The following MYOCD variants were observed in gnomAD, a reference collection of about 807,000 sequenced individuals.
MYOCD encodes the protein myocardin.
MYOCD carries 32 observed loss-of-function variants against 96.1 expected under a neutral mutation model. The ratio of observed to expected loss-of-function variants is 0.33; its 90% CI spans 0.25 to 0.45. The LOEUF (loss-of-function observed/expected upper bound fraction) is 0.45, where lower values mean the gene tolerates loss of function less well. Among genes scored for constraint, MYOCD ranks in the 20% least tolerant of loss-of-function variants. The pLI is 1.00. For missense variants in MYOCD, 1,133 were observed against 1,200.6 expected, an observed-to-expected ratio of 0.94 and a Z score of 0.83; for synonymous variants, 469 against 469.0, an observed-to-expected ratio of 1.00 and a Z score of 0.00.
At chr17:12,761,872 C>G (rs1016244584) in intron 13 of MYOCD, 7 of 152,590 alleles carry the variant, frequency 4.6e-5, no homozygotes, top group African/African-American at 1.4e-4. Flanking sequence ...ATCTGCCCAC[C>G]TAGGCCTCCC....
chr17:12,763,260 A>C lies in MYOCD; in HGVS notation c.2577A>C (p.Leu859Phe). 6.2e-7 allele frequency: 1 copy of C among 1,613,822 alleles called. No homozygotes were observed. Among genetic ancestry groups the C allele is most frequent in the African/African-American group, 1.3e-5 (1 of 75,016 alleles). ...GTGATGAGCATCTTGAAGTCTTATTAAATTCCCAGAGCCCCCTAGGAAAGA... is the reference window on the plus strand; with the variant it reads ...GTGATGAGCATCTTGAAGTCTTATTCAATTCCCAGAGCCCCCTAGGAAAGA... ...TDSDEHLEVL[L>F]NSQSPLGKMS... Residue 859 changes from leucine to phenylalanine, a missense_variant, in exon 14 of 14, where the codon TTA becomes TTC. By Grantham distance (22) the Leu-to-Phe change is conservative. Transcript: ENST00000425538.
At chr17:12,686,225 T>C (rs1231528904) in intron 1 of MYOCD, among the ~76,000 whole-genome samples, 1 of 152,214 alleles carries the variant, frequency 6.6e-6, no homozygotes, top group African/African-American at 2.4e-5. Flanking sequence ...CCAAGTGGCA[T>C]GAAATGTTAG....
At chr17:12,684,306 T>C (rs1052733865) in intron 1 of MYOCD, among the ~76,000 whole-genome samples, 2 of 152,184 alleles carry the variant, frequency 1.3e-5, no homozygotes, top group Admixed American at 6.5e-5. Flanking sequence ...AAAATGTCAA[T>C]GTTACTGAGT....
At chr17:12,707,981 A>C (rs979039355) in intron 2 of MYOCD, among the ~76,000 whole-genome samples, 1 of 152,118 alleles carries the variant, frequency 6.6e-6, no homozygotes, top group Non-Finnish European at 1.5e-5. Context: ...ATACATATAT[A>C]CATATATATG....
chr17:12,683,976 G>T (rs375607978), intron 1 of MYOCD, among the ~76,000 whole-genome samples: 1 of 152,120 alleles, frequency 6.6e-6, no homozygotes, highest in South Asian at 2.1e-4. Flanking sequence ...TACTTCAAAG[G>T]CTCCTGGCAG....
chr17:12,683,969 T>C (rs2029951975), intron 1 of MYOCD, among the ~76,000 whole-genome samples: 1 of 152,238 alleles, frequency 6.6e-6, no homozygotes, highest in South Asian at 2.1e-4. Flanking sequence ...AAGACATTAC[T>C]TCAAAGGCTC....
At chr17:12,729,594 G>A (rs985330194) in intron 5 of MYOCD, among the ~76,000 whole-genome samples, 9 of 149,480 alleles carry the variant, frequency 6.0e-5, no homozygotes, top group African/African-American at 2.2e-4. Context: ...TTTTTTTTTT[G>A]AGATGGAGTT....
intron 9 of MYOCD, among the ~76,000 whole-genome samples, chr17:12,748,269 T>C (rs1283381316): frequency 6.6e-6 from 1 of 151,680 alleles, no homozygotes; most frequent in Non-Finnish European, 1.5e-5. Flanking sequence ...TAAGAAATAA[T>C]AATTCATATT....
At chr17:12,675,773 C>G (rs990796604) in intron 1 of MYOCD, among the ~76,000 whole-genome samples, 2 of 152,180 alleles carry the variant, frequency 1.3e-5, no homozygotes, top group Admixed American at 6.5e-5. Context: ...GCAGGAGAAT[C>G]GCTTGAACCC....
intron 1 of MYOCD, among the ~76,000 whole-genome samples, chr17:12,676,934 A>G (rs981635878): frequency 2.0e-4 from 31 of 152,188 alleles, no homozygotes; most frequent in African/African-American, 7.2e-4. Context: ...CCTTCATTGG[A>G]AATTTTTGAG....
Position 12,756,548 on chromosome 17 carries a change from A to G in MYOCD, c.2193A>G (p.Val731=). ...GGNPCPKSPC[V]QQKMAGLHSS... ...ACCCTTGTCCCAAAAGCCCATGTGTACAGCAAAAGGTAGGCACCTGAAAAA... is the reference window on the plus strand; with the variant it reads ...ACCCTTGTCCCAAAAGCCCATGTGTGCAGCAAAAGGTAGGCACCTGAAAAA... Residue 731 remains valine (V), a synonymous_variant, in exon 11 of 14, where the codon GTA becomes GTG. Coordinates refer to ENST00000425538, the MANE Select transcript of MYOCD (RefSeq NM_001146312.3). The G allele has an allele frequency of 5.2e-6, 8 of 1,551,386 alleles. No individual in the cohort carries two copies. The highest frequency in any genetic ancestry group is 7.0e-6 in the Non-Finnish European group (8 of 1,146,812).
intron 9 of MYOCD, among the ~76,000 whole-genome samples, chr17:12,746,565 G>A (rs1244100635): frequency 1.3e-5 from 2 of 152,056 alleles, no homozygotes; most frequent in African/African-American, 2.4e-5. Context: ...AGAGAAACAT[G>A]ATCCAGATAT....
At chr17:12,671,053 TCACTATTGGACA>T (rs2150626779) in intron 1 of MYOCD, among the ~76,000 whole-genome samples, 1 of 152,320 alleles carries the variant, frequency 6.6e-6, no homozygotes, top group Non-Finnish European at 1.5e-5. Flanking sequence ...ATAGCTCTTA[TCACTATTGGACA>T]GACTAAACCT....
In MYOCD at chr17:12,678,362, A is replaced by C. The variant is rs77241849; in HGVS notation, c.55+12119A>C. Reference sequence around the variant, plus strand: ...TAATAATTAAACTTATTCTCCGGTGAGGTGTGGTTTTTATTCTGGATCTGG... The same window carrying C: ...TAATAATTAAACTTATTCTCCGGTGCGGTGTGGTTTTTATTCTGGATCTGG... On this transcript the variant is annotated intron_variant, in intron 1 of 13. Transcript: ENST00000425538. 5.9e-3 allele frequency among the ~76,000 whole-genome samples: 893 copies of C among 150,776 alleles called. 12 individuals are homozygous for C. Among genetic ancestry groups the C allele is most frequent in the African/African-American group, 0.021 (847 of 41,260 alleles).
intron 10 of MYOCD, among the ~76,000 whole-genome samples, chr17:12,754,190 T>C (rs1167037032): frequency 6.6e-6 from 1 of 152,018 alleles, no homozygotes; most frequent in Non-Finnish European, 1.5e-5. Flanking sequence ...CTGCAACCTC[T>C]GCCTCCCGGG....
intron 1 of MYOCD, among the ~76,000 whole-genome samples, chr17:12,679,016 T>A (rs1245409200): frequency 6.6e-6 from 1 of 152,102 alleles, no homozygotes; most frequent in Admixed American, 6.6e-5. Flanking sequence ...ATTAAGAAAT[T>A]GGCTCAAGGT....
chr17:12,736,113 T>C (rs2032331508), intron 5 of MYOCD, 48 bp from the exon 6 acceptor site: 1 of 1,543,936 alleles, frequency 6.5e-7, no homozygotes, highest in African/African-American at 1.4e-5. Context: ...AAAATGCCCT[T>C]TGATGCTCCT....
chr17:12,724,849 A>G (rs1291246330), intron 5 of MYOCD, among the ~76,000 whole-genome samples: 3 of 152,072 alleles, frequency 2.0e-5, no homozygotes, highest in Admixed American at 6.5e-5. Flanking sequence ...CTAAAGTTTC[A>G]TGGCTACTCT....
chr17:12,698,414 G>C (rs2150665837), intron 1 of MYOCD, among the ~76,000 whole-genome samples: 1 of 152,298 alleles, frequency 6.6e-6, no homozygotes, highest in African/African-American at 2.4e-5. Context: ...AGTTCTTGAG[G>C]TGAGAGGGAG....
Sources: allele counts gnomAD v4.1 joint callset (sites outside exome capture counted in the v4.1 genomes callset), GRCh38; gene constraint gnomAD v4.1.1; transcripts MANE v1.5; gene names NCBI Gene and HGNC (gene_info 2026-07-23, HGNC 2026-07-21).